The following MEOX1 variants were observed in gnomAD, a reference collection of about 807,000 sequenced individuals.
MEOX1 encodes homeobox protein MOX-1.
In MEOX1, 17 loss-of-function variants were observed where a neutral mutation model predicts 23.2. The ratio of observed to expected loss-of-function variants is 0.73; its 90% confidence interval spans 0.50 to 1.10. The LOEUF (loss-of-function observed/expected upper bound fraction) is 1.10, where lower values mean the gene tolerates loss of function less well. Ranked by LOEUF, MEOX1 falls within the 50% of genes least tolerant of loss-of-function variation. The pLI is 0.00. For synonymous variants in MEOX1, 134 were observed against 135.1 expected (o/e 0.99, Z 0.06); for missense variants, 333 against 332.2 (o/e 1.00, Z -0.02).
chr17:43,654,456 C>T lies in MEOX1; in HGVS notation c.469+6610G>A, dbSNP rs143680266. Among the ~76,000 whole-genome samples, 291 of 151,684 alleles carry T rather than the reference C, an allele frequency of 1.9e-3. 1 individual carries two copies. Among genetic ancestry groups the T allele is most frequent in the African/African-American group, 6.4e-3 (266 of 41,340 alleles). ...CTGGGAGGCAGAGATTGCAGTGAGC[C>T]GTGATCACGCCATTGTGCTCTAGCC... is the stretch of plus-strand genomic sequence containing the variant. On this transcript the variant is annotated intron_variant, in intron 1 of 2. Coordinates refer to ENST00000318579, the MANE Select transcript of MEOX1 (RefSeq NM_004527.4).
At chr17:43,659,799 G>T (rs1415426585) in intron 1 of MEOX1, among the ~76,000 whole-genome samples, 1 of 152,162 alleles carries the variant, frequency 6.6e-6, no homozygotes, top group Non-Finnish European at 1.5e-5. Context: ...GTATCCCATG[G>T]CACCTTAAGC....
intron 1 of MEOX1, among the ~76,000 whole-genome samples, chr17:43,647,737 C>T (rs1972837674): frequency 6.6e-6 from 1 of 152,214 alleles, no homozygotes; most frequent in Non-Finnish European, 1.5e-5. Flanking sequence ...CATCCCTGGC[C>T]ACCTCTCCTC....
At chr17:43,649,703 C>T (rs1972880833) in intron 1 of MEOX1, among the ~76,000 whole-genome samples, 2 of 152,218 alleles carry the variant, frequency 1.3e-5, no homozygotes, top group Admixed American at 6.5e-5. Context: ...CGCTGCTTCT[C>T]TCTTGGGGGC....
At chr17:43,655,519 GTTA>G (rs1972999458) in intron 1 of MEOX1, among the ~76,000 whole-genome samples, 2 of 151,468 alleles carry the variant, frequency 1.3e-5, no homozygotes, top group Non-Finnish European at 2.9e-5. Flanking sequence ...ACAATGGAAT[GTTA>G]TTGTCTTCAG....
At chr17:43,653,990 A>G (rs1209868146) in intron 1 of MEOX1, among the ~76,000 whole-genome samples, 1 of 152,162 alleles carries the variant, frequency 6.6e-6, no homozygotes, top group East Asian at 1.9e-4. Flanking sequence ...GGGGTTTTCA[A>G]CTGAAGGGTC....
intron 1 of MEOX1, among the ~76,000 whole-genome samples, chr17:43,646,072 C>T (rs953254203): frequency 9.2e-5 from 14 of 152,172 alleles, no homozygotes; most frequent in African/African-American, 3.1e-4. Flanking sequence ...GGCACCCTGG[C>T]CCGGGGGTCC....
chr17:43,640,500 AATC>A lies in MEOX1; in HGVS notation c.*1407_*1409del, dbSNP rs750868587. ...AATATATGAAGTATGCTTTAGAAAA[AATC>A]ATGCTCTAACCAGCCATCTCATTTG... On this transcript the variant is annotated 3_prime_UTR_variant, in exon 3 of 3. Transcript: ENST00000318579. The A allele has an allele frequency of 2.0e-5, 3 of 152,216 alleles. No individual in the cohort carries two copies. Among genetic ancestry groups the A allele is most frequent in the Non-Finnish European group, 2.9e-5 (2 of 68,042 alleles). 9.4% of individuals were successfully genotyped at this position (152,216 alleles called of 1,614,324 possible).
intron 1 of MEOX1, among the ~76,000 whole-genome samples, chr17:43,652,256 C>T (rs1972932309): frequency 6.6e-6 from 1 of 152,118 alleles, no homozygotes; most frequent in Non-Finnish European, 1.5e-5. Flanking sequence ...CCCCTCAAAC[C>T]ACACCCCACC....
intron 1 of MEOX1, among the ~76,000 whole-genome samples, chr17:43,648,975 G>A (rs758354291): frequency 1.2e-4 from 19 of 152,216 alleles, no homozygotes; most frequent in Non-Finnish European, 2.2e-4. Context: ...GTGAGGCACC[G>A]AGGAAGAGCT....
At chr17:43,644,794 T>C (rs1446243394) in intron 1 of MEOX1, among the ~76,000 whole-genome samples, 1 of 152,086 alleles carries the variant, frequency 6.6e-6, no homozygotes, top group East Asian at 1.9e-4. Context: ...CACGCCCCTG[T>C]AATCCCAACT....
intron 2 of MEOX1, 23 bp downstream of exon 2, chr17:43,643,465 G>A (rs371698055): frequency 6.5e-7 from 1 of 1,547,214 alleles, no homozygotes; most frequent in Non-Finnish European, 8.7e-7. Flanking sequence ...GCAAAGAAGA[G>A]GAGGGGCCCA....
At position 43,647,142 on chromosome 17, in the gene MEOX1, G is replaced by C. The variant is rs147085022; in HGVS notation, c.470-3482C>G. Reference sequence around the variant, plus strand: ...TCTGCGGCTTTAACCTCACCACACAGCGGCCTATGAGTGGATACTGTTCTT... The same window carrying C: ...TCTGCGGCTTTAACCTCACCACACACCGGCCTATGAGTGGATACTGTTCTT... On this transcript the variant is annotated intron_variant, in intron 1 of 2. Coordinates refer to ENST00000318579, the MANE Select transcript of MEOX1 (RefSeq NM_004527.4). 5.3e-5 allele frequency among the ~76,000 whole-genome samples: 8 copies of C among 152,276 alleles called. No homozygotes were observed. The East Asian group carries it at 1.2e-3, about 22-fold the overall frequency.
Position 43,657,058 on chromosome 17 carries a change from C to CTTT in MEOX1, c.469+4007_469+4008insAAA, listed in dbSNP as rs1567748412. On this transcript the variant is annotated intron_variant, in intron 1 of 2. Coordinates refer to ENST00000318579, the MANE Select transcript of MEOX1 (RefSeq NM_004527.4). Reference sequence around the variant, plus strand: ...TCTTTCTTTCTTTCTTTCTTTCTTTCCTTCCTTCCTTCTTTCTTTCTTTTC... The same window carrying CTTT: ...TCTTTCTTTCTTTCTTTCTTTCTTTCTTTCTTCCTTCCTTCTTTCTTTCTTTTC... Among the ~76,000 whole-genome samples, 201 of 124,922 alleles carry CTTT rather than the reference C, an allele frequency of 1.6e-3. 3 individuals carry two copies. Among genetic ancestry groups the CTTT allele is most frequent in the Middle Eastern group, 3.8e-3 (1 of 266 alleles). 82.0% of individuals were successfully genotyped at this position (124,922 alleles called of 152,430 possible).
chr17:43,656,288 A>C (rs1015400928), intron 1 of MEOX1, among the ~76,000 whole-genome samples: 5 of 152,040 alleles, frequency 3.3e-5, no homozygotes, highest in East Asian at 1.9e-4. Context: ...GGAAGGGGAG[A>C]GTGCTCTAGG....
chr17:43,651,547 A>AC (rs990583458), intron 1 of MEOX1, among the ~76,000 whole-genome samples: 25 of 133,486 alleles, frequency 1.9e-4, no homozygotes, highest in African/African-American at 8.2e-4. Context: ...AAGAAAAACA[A>AC]GGGGGAAAAA....
intron 1 of MEOX1, among the ~76,000 whole-genome samples, chr17:43,645,109 C>T (rs1188775799): frequency 6.6e-6 from 1 of 151,508 alleles, no homozygotes; most frequent in Non-Finnish European, 1.5e-5. Flanking sequence ...GCCACGTGGC[C>T]AGGGAATGGC....
At chr17:43,648,988 T>C (rs1019382107) in intron 1 of MEOX1, among the ~76,000 whole-genome samples, 4 of 152,208 alleles carry the variant, frequency 2.6e-5, no homozygotes, top group Non-Finnish European at 4.4e-5. Flanking sequence ...GAAGAGCTTT[T>C]GGATCTTGGG....
At chr17:43,646,974 C>G (rs576412041) in intron 1 of MEOX1, among the ~76,000 whole-genome samples, 3 of 152,222 alleles carry the variant, frequency 2.0e-5, no homozygotes, top group African/African-American at 7.2e-5. Flanking sequence ...GCAACGAGAG[C>G]AAAACTCCGT....
At chr17:43,647,757 T>A (rs1424041961) in intron 1 of MEOX1, among the ~76,000 whole-genome samples, 1 of 152,200 alleles carries the variant, frequency 6.6e-6, no homozygotes, top group African/African-American at 2.4e-5. Context: ...CTCCTGTCTC[T>A]TATTGCCCTG....
Sources: gnomAD v4.1 joint callset for allele counts (sites outside exome capture counted in the v4.1 genomes callset) on GRCh38, gnomAD v4.1.1 for gene constraint, MANE v1.5 for transcripts, NCBI Gene and HGNC (gene_info 2026-07-23, HGNC 2026-07-21) for gene names.